The following CSMD1 variants were observed in gnomAD, a reference collection of about 807,000 sequenced individuals.
CSMD1 encodes CUB and sushi domain-containing protein 1.
A neutral mutation model predicts 417.5 loss-of-function variants in CSMD1; 213 were observed. The ratio of observed to expected loss-of-function variants is 0.51; its 90% confidence interval spans 0.46 to 0.57. The LOEUF (loss-of-function observed/expected upper bound fraction) is 0.57. CSMD1 is among the 20% of genes least tolerant of loss of function. CSMD1 has a pLI of 0.00. For missense variants in CSMD1, 6,923 were observed against 4,529.7 expected (o/e 1.53, Z -15.17); for synonymous variants, 2,862 against 1,736.8 (o/e 1.65, Z -16.11).
At chr8:4,569,060 T>C (rs780588339) in intron 2 of CSMD1, among the ~76,000 whole-genome samples, 5 of 152,188 alleles carry the variant, frequency 3.3e-5, no homozygotes, top group Non-Finnish European at 7.3e-5. Context: ...TCTCCCATTC[T>C]GTAGGTTGCC....
chr8:3,934,823 G>C (rs941931446), intron 5 of CSMD1, among the ~76,000 whole-genome samples: 1 of 151,842 alleles, frequency 6.6e-6, no homozygotes, highest in Non-Finnish European at 1.5e-5. Context: ...CTCCAGCCTG[G>C]GCAACAGAGC....
chr8:4,874,257 G>A (rs1325376500), intron 1 of CSMD1, among the ~76,000 whole-genome samples: 3 of 151,924 alleles, frequency 2.0e-5, no homozygotes. Context: ...CAAATTACGT[G>A]GGATACTGCC....
chr8:3,500,086 T>A (rs1405682539), intron 10 of CSMD1, among the ~76,000 whole-genome samples: 2 of 152,056 alleles, frequency 1.3e-5, no homozygotes, highest in Non-Finnish European at 2.9e-5. Context: ...CTCCCTACAA[T>A]CGGGAGTCCT....
chr8:3,685,366 A>T (rs1039238786), intron 7 of CSMD1, among the ~76,000 whole-genome samples: 1 of 152,126 alleles, frequency 6.6e-6, no homozygotes, highest in Non-Finnish European at 1.5e-5. Context: ...ACTGTTACCT[A>T]AACACCAGGG....
intron 1 of CSMD1, among the ~76,000 whole-genome samples, chr8:4,647,311 G>T (rs749743768): frequency 6.6e-6 from 1 of 151,644 alleles, no homozygotes; most frequent in African/African-American, 2.4e-5. Context: ...TTGTTACATA[G>T]GTATACATGT....
chr8:4,540,864 C>T (rs1265204095), intron 2 of CSMD1, among the ~76,000 whole-genome samples: 3 of 152,102 alleles, frequency 2.0e-5, no homozygotes, highest in African/African-American at 4.8e-5. Context: ...ACCAGCAACA[C>T]AGGAAGTCTG....
chr8:3,041,470 AT>A lies in CSMD1; in HGVS notation c.7660+10991del, dbSNP rs200212969. 6.1e-3 allele frequency among the ~76,000 whole-genome samples: 931 copies of A among 152,190 alleles called. 9 individuals are homozygous for A. Among genetic ancestry groups the A allele is most frequent in the African/African-American group, 0.019 (796 of 41,516 alleles). The stretch of plus-strand genomic sequence containing the variant: ...AAAACCTTTTTCTAGCAACATTTAA[AT>A]TTTTTCTAGGCGTAATATTATCCAT... On this transcript the variant is annotated intron_variant, in intron 50 of 69. Transcript: ENST00000635120.
At chr8:3,526,247 A>T (rs1053486059) in intron 10 of CSMD1, among the ~76,000 whole-genome samples, 15 of 152,304 alleles carry the variant, frequency 9.8e-5, no homozygotes, top group African/African-American at 3.6e-4. Context: ...TATAGAATAT[A>T]AATTGTCTTA....
intron 6 of CSMD1, among the ~76,000 whole-genome samples, chr8:3,722,556 C>T (rs535635379): frequency 6.6e-6 from 1 of 152,268 alleles, no homozygotes; most frequent in African/African-American, 2.4e-5. Flanking sequence ...TACCTCTTGT[C>T]AATGTCTCCA....
At chr8:4,095,459 T>C (rs1317712266) in intron 3 of CSMD1, among the ~76,000 whole-genome samples, 2 of 152,170 alleles carry the variant, frequency 1.3e-5, no homozygotes, top group African/African-American at 2.4e-5. Context: ...AATTTGAGCA[T>C]TTTGTATTTT....
At chr8:3,460,170 G>A (rs75614194) in intron 12 of CSMD1, among the ~76,000 whole-genome samples, 1 of 152,144 alleles carries the variant, frequency 6.6e-6, no homozygotes, top group Admixed American at 6.5e-5. Flanking sequence ...CATAATCTAG[G>A]ATGTGAGGCT....
At chr8:4,388,767 C>T (rs1166735476) in intron 3 of CSMD1, among the ~76,000 whole-genome samples, 2 of 152,144 alleles carry the variant, frequency 1.3e-5, no homozygotes. Flanking sequence ...TAAAACCTGT[C>T]TTTCTGTGTA....
intron 2 of CSMD1, among the ~76,000 whole-genome samples, chr8:4,630,474 C>G (rs563668514): frequency 1.3e-5 from 2 of 151,858 alleles, no homozygotes; most frequent in South Asian, 2.1e-4. Context: ...AAAACAAAAA[C>G]GAAAAACAAA....
intron 37 of CSMD1, among the ~76,000 whole-genome samples, chr8:3,180,464 C>A (rs1821252497): frequency 6.6e-6 from 1 of 152,068 alleles, no homozygotes; most frequent in Non-Finnish European, 1.5e-5. Context: ...CTGGGGAATG[C>A]TAATATGAGT....
At chr8:3,488,465 T>C (rs943288718) in intron 11 of CSMD1, among the ~76,000 whole-genome samples, 2 of 152,222 alleles carry the variant, frequency 1.3e-5, no homozygotes, top group Non-Finnish European at 2.9e-5. Flanking sequence ...TAAATGTATC[T>C]GGAAGATAGT....
rs966925050 is a variant in CSMD1 at position 4,876,152 on chromosome 8, G to T, written c.85+118180C>A. ...GTAAAATTAAGGAATACAAATGACT[G>T]CTTAGTCTATTTCCCTGCTGGGTAA... On this transcript the variant is annotated intron_variant, in intron 1 of 69. Coordinates refer to ENST00000635120, the MANE Select transcript of CSMD1 (RefSeq NM_033225.6). Among the ~76,000 whole-genome samples the T allele has an allele frequency of 2.0e-5, 3 of 152,020 alleles. 1 individual carries two copies. Among genetic ancestry groups the T allele is most frequent in the African/African-American group, 4.8e-5 (2 of 41,350 alleles).
intron 47 of CSMD1, among the ~76,000 whole-genome samples, chr8:3,096,600 G>C (rs1815317304): frequency 6.6e-6 from 1 of 152,022 alleles, no homozygotes. Flanking sequence ...TTTCTTCCTA[G>C]TCTTGGGTCT....
Position 3,505,977 on chromosome 8 carries a change from G to C in CSMD1, c.1345-12251C>G, listed in dbSNP as rs1052799993. On this transcript the variant is annotated intron_variant, in intron 10 of 69. Transcript: ENST00000635120. ...GTAAACCAGAAAGGAAGAGGGTTGA[G>C]TGGATAAAAATACACGTATGTATAT... Among the ~76,000 whole-genome samples the C allele has an allele frequency of 3.5e-4, 53 of 152,200 alleles. 2 individuals carry two copies. The highest frequency in any genetic ancestry group is 2.9e-5 in the Non-Finnish European group (2 of 68,024).
chr8:3,964,004 G>C (rs535816344), intron 5 of CSMD1, among the ~76,000 whole-genome samples: 1 of 151,854 alleles, frequency 6.6e-6, no homozygotes, highest in Admixed American at 6.5e-5. Context: ...AGCATCCCCA[G>C]AATGCACAAA....
Sources: allele counts gnomAD v4.1 joint callset (sites outside exome capture counted in the v4.1 genomes callset), GRCh38; gene constraint gnomAD v4.1.1; transcripts MANE v1.5; gene names NCBI Gene and HGNC (gene_info 2026-07-23, HGNC 2026-07-21).